CDC42BPA: variants seen among roughly 807,000 people sequenced by gnomAD.
CDC42BPA encodes the protein CDC42 binding protein kinase alpha, also known as serine/threonine-protein kinase MRCK alpha.
CDC42BPA carries 80 observed loss-of-function variants against 223.5 expected under a neutral mutation model. The observed-to-expected ratio is 0.36, with a 90% CI of 0.30 to 0.43. CDC42BPA has a LOEUF of 0.43. Ranked by LOEUF, CDC42BPA falls within the 20% of genes least tolerant of loss-of-function variation. The pLI is 1.00. For synonymous variants in CDC42BPA, 694 were observed against 718.6 expected, an observed-to-expected ratio of 0.97 and a Z score of 0.55; for missense variants, 1,743 against 2,099.9, an observed-to-expected ratio of 0.83 and a Z score of 3.32.
intron 11 of CDC42BPA, among the ~76,000 whole-genome samples, chr1:227,126,508 GAAGGAAGGAAGGT>G (rs1558556155): frequency 8.8e-6 from 1 of 113,716 alleles, no homozygotes; most frequent in Non-Finnish European, 2.0e-5. Context: ...AGGAAGGAAG[GAAGGAAGGAAGGT>G]AAGAAAGGAA....
chr1:227,026,191 T>C (rs746633072), intron 30 of CDC42BPA, 39 bp from the exon 31 acceptor site: 33 of 1,116,854 alleles, frequency 3.0e-5, no homozygotes, highest in Non-Finnish European at 4.4e-5. Context: ...CGGATTACTT[T>C]TAACTATTAA....
chr1:227,059,384 T>A, intron 21 of CDC42BPA: 1 of 1,563,730 alleles, frequency 6.4e-7, no homozygotes, highest in Non-Finnish European at 8.7e-7. Flanking sequence ...CGTCTGCCTT[T>A]GCTAGCTGGA....
At chr1:227,220,313 C>CATAT (rs1188536931) in intron 2 of CDC42BPA, among the ~76,000 whole-genome samples, 1 of 53,314 alleles carries the variant, frequency 1.9e-5, no homozygotes, top group Non-Finnish European at 3.5e-5. Context: ...TATATATATA[C>CATAT]ACACACACAC....
intron 6 of CDC42BPA, among the ~76,000 whole-genome samples, chr1:227,159,621 C>T (rs1015038246): frequency 3.9e-4 from 58 of 149,232 alleles, no homozygotes; most frequent in Non-Finnish European, 1.0e-4. Context: ...TTTTGGACCT[C>T]TCCTATATGG....
At chr1:227,041,005 T>G (rs1671254134) in intron 23 of CDC42BPA, among the ~76,000 whole-genome samples, 1 of 152,130 alleles carries the variant, frequency 6.6e-6, no homozygotes, top group Admixed American at 6.5e-5. Context: ...TAGGAAAAAA[T>G]TACTAAATTC....
chr1:227,253,267 AGCGCGC>A (rs770471366), intron 2 of CDC42BPA, among the ~76,000 whole-genome samples: 2 of 148,056 alleles, frequency 1.4e-5, no homozygotes, highest in Non-Finnish European at 3.0e-5. Context: ...AGCGAGAGAG[AGCGCGC>A]GCGCGTGCGC....
At chr1:227,300,711 T>C (rs919543676) in intron 1 of CDC42BPA, among the ~76,000 whole-genome samples, 3 of 152,134 alleles carry the variant, frequency 2.0e-5, no homozygotes, top group Non-Finnish European at 4.4e-5. Flanking sequence ...AAAAACTATA[T>C]ATTGGGTAAA....
chr1:227,003,701 G>A (rs999597007), intron 35 of CDC42BPA, among the ~76,000 whole-genome samples: 5 of 152,052 alleles, frequency 3.3e-5, no homozygotes, highest in African/African-American at 7.2e-5. Context: ...AAGCTGCTCC[G>A]CGACAGTAGC....
chr1:227,166,372 T>C (rs1477952158), intron 5 of CDC42BPA, among the ~76,000 whole-genome samples: 4 of 152,258 alleles, frequency 2.6e-5, no homozygotes, highest in African/African-American at 9.6e-5. Context: ...TAATAGATAA[T>C]GCTGGTATGA....
At position 227,074,279 on chromosome 1, in the gene CDC42BPA, T is replaced by A. The variant is rs762439998; in HGVS notation, c.2566A>T (p.Ser856Cys). Residue 856 changes from serine to cysteine, a missense_variant, in exon 18 of 37, where the codon AGC (serine) becomes TGC (cysteine). Around this residue, in one of 6 missense-constraint regions of CDC42BPA, gnomAD observed 36 missense variants for 71.9 expected, o/e 0.50. Transcript: ENST00000366766. The part of the protein sequence containing the change: ...TEELEALRNS[S>C]LGTRATDMPW... ...CTTACTGTTGCTCGTGTACCCAAGC[T>A]GGAATTTCTTAATGCCTCCAATTCT... 1 of 1,613,336 alleles carries A rather than the reference T, an allele frequency of 6.2e-7. No homozygotes were observed. Among genetic ancestry groups the A allele is most frequent in the Non-Finnish European group, 8.5e-7 (1 of 1,179,380 alleles).
At chr1:227,185,941 A>T (rs1668706368) in intron 5 of CDC42BPA, among the ~76,000 whole-genome samples, 1 of 152,230 alleles carries the variant, frequency 6.6e-6, no homozygotes, top group African/African-American at 2.4e-5. Context: ...AAACCTGAAC[A>T]AACTGAAAAA....
chr1:227,296,354 T>C (rs1690627414), intron 1 of CDC42BPA, among the ~76,000 whole-genome samples: 1 of 152,106 alleles, frequency 6.6e-6, no homozygotes, highest in Admixed American at 6.6e-5. Context: ...AAATCATATA[T>C]AAAAATTAAC....
At chr1:227,263,158 G>C (rs184896773) in intron 1 of CDC42BPA, among the ~76,000 whole-genome samples, 2 of 152,198 alleles carry the variant, frequency 1.3e-5, no homozygotes, top group Admixed American at 1.3e-4. Flanking sequence ...ACTGGAACCC[G>C]GGAGCTGAGG....
At chr1:227,185,867 G>A (rs1668696743) in intron 5 of CDC42BPA, among the ~76,000 whole-genome samples, 1 of 151,998 alleles carries the variant, frequency 6.6e-6, no homozygotes, top group Admixed American at 6.5e-5. Flanking sequence ...AAGATTATGG[G>A]GAGACTTCCA....
At chr1:227,136,465 A>G (rs1270685370) in intron 10 of CDC42BPA, among the ~76,000 whole-genome samples, 1 of 152,238 alleles carries the variant, frequency 6.6e-6, no homozygotes, top group East Asian at 1.9e-4. Flanking sequence ...GAGGCAAAAT[A>G]ATATCTACAG....
intron 1 of CDC42BPA, among the ~76,000 whole-genome samples, chr1:227,267,423 C>G (rs144577701): frequency 6.6e-6 from 1 of 152,058 alleles, no homozygotes; most frequent in Non-Finnish European, 1.5e-5. Flanking sequence ...TGTTTGCTGG[C>G]CCTTAAGCAT....
intron 8 of CDC42BPA, 121 bp downstream of exon 8, chr1:227,145,368 C>G: frequency 1.3e-6 from 1 of 764,984 alleles, no homozygotes; most frequent in Non-Finnish European, 2.1e-6. Flanking sequence ...GCCATGATCA[C>G]TGACTAATAA....
intron 5 of CDC42BPA, among the ~76,000 whole-genome samples, chr1:227,171,881 G>A (rs1666171455): frequency 6.6e-6 from 1 of 152,088 alleles, no homozygotes; most frequent in South Asian, 2.1e-4. Flanking sequence ...TTGCACAGGG[G>A]ATTGGTCCCT....
intron 2 of CDC42BPA, among the ~76,000 whole-genome samples, chr1:227,245,935 G>A (rs1680865357): frequency 6.6e-6 from 1 of 152,174 alleles, no homozygotes; most frequent in Admixed American, 6.5e-5. Context: ...GAGAAAAGCA[G>A]AGGGAAAAGT....
Sources: allele counts gnomAD v4.1 joint callset (sites outside exome capture counted in the v4.1 genomes callset), GRCh38; gene constraint gnomAD v4.1.1; regional missense constraint gnomAD v4.1.1; transcripts MANE v1.5; gene names NCBI Gene and HGNC (gene_info 2026-07-23, HGNC 2026-07-21).